CTNNA3: variants seen among roughly 807,000 people sequenced by gnomAD.
CTNNA3 encodes the protein catenin alpha-3.
Under a neutral mutation model 95.7 loss-of-function variants are expected in CTNNA3, and 76 were observed. That is an observed-to-expected ratio of 0.79 (90% CI 0.66 to 0.96). The LOEUF (loss-of-function observed/expected upper bound fraction) is 0.96. Among genes scored for constraint, CTNNA3 ranks in the 40% least tolerant of loss-of-function variants. The pLI is 0.00. For synonymous variants in CTNNA3, 431 were observed against 374.4 expected (o/e 1.15, Z -1.74); for missense variants, 1,191 against 1,089.8 (o/e 1.09, Z -1.31).
intron 13 of CTNNA3, among the ~76,000 whole-genome samples, chr10:66,188,772 T>C (rs2086483945): frequency 6.6e-6 from 1 of 152,102 alleles, no homozygotes; most frequent in African/African-American, 2.4e-5. Flanking sequence ...GGTCATATTG[T>C]AGTTCTATTT....
At chr10:66,740,076 A>G (rs961257512) in intron 9 of CTNNA3, among the ~76,000 whole-genome samples, 1 of 152,236 alleles carries the variant, frequency 6.6e-6, no homozygotes, top group Admixed American at 6.5e-5. Flanking sequence ...ATTGTGGGTC[A>G]CTGTGTTTCT....
chr10:66,493,380 A>G (rs1839987549), intron 11 of CTNNA3, among the ~76,000 whole-genome samples: 1 of 152,158 alleles, frequency 6.6e-6, no homozygotes, highest in Non-Finnish European at 1.5e-5. Context: ...AGGAGCTTTT[A>G]ATAGCTTTCT....
At chr10:67,149,028 G>C (rs1162321283) in intron 7 of CTNNA3, among the ~76,000 whole-genome samples, 3 of 152,098 alleles carry the variant, frequency 2.0e-5, no homozygotes. Flanking sequence ...TGTGACCATT[G>C]TTAACAACAC....
chr10:66,747,457 C>T (rs1838931529), intron 9 of CTNNA3, among the ~76,000 whole-genome samples: 2 of 152,220 alleles, frequency 1.3e-5, no homozygotes, highest in South Asian at 2.1e-4. Flanking sequence ...CACACTCTCA[C>T]TGCATCACTA....
rs909872089 is a variant in CTNNA3, at chr10:66,345,389, T to C, written c.1732+33763A>G. Among the ~76,000 whole-genome samples the C allele has an allele frequency of 7.2e-5, 11 of 152,254 alleles. 1 individual carries two copies. In the East Asian group the frequency reaches 2.1e-3, roughly 29 times the overall value. ...AACATAAAAATGCTCATTTCCATATTGATTTTGATGACCAGCGTTAAATCA... is the reference window on the plus strand; with the variant it reads ...AACATAAAAATGCTCATTTCCATATCGATTTTGATGACCAGCGTTAAATCA... On this transcript the variant is annotated intron_variant, in intron 12 of 17. Coordinates refer to ENST00000433211, the MANE Select transcript of CTNNA3 (RefSeq NM_013266.4).
chr10:66,105,203 G>A (rs1234205939), intron 13 of CTNNA3, among the ~76,000 whole-genome samples: 24 of 152,002 alleles, frequency 1.6e-4, no homozygotes, highest in Admixed American at 1.4e-3. Flanking sequence ...TATTATCTCA[G>A]GACAATTTAT....
intron 3 of CTNNA3, among the ~76,000 whole-genome samples, chr10:67,563,043 T>A (rs1418877844): frequency 2.0e-5 from 3 of 151,958 alleles, no homozygotes; most frequent in Admixed American, 1.3e-4. Context: ...AGAATCAATA[T>A]CATGAAAATG....
chr10:67,575,609 C>G (rs1402227172), intron 3 of CTNNA3, among the ~76,000 whole-genome samples: 1 of 152,132 alleles, frequency 6.6e-6, no homozygotes, highest in Admixed American at 6.6e-5. Flanking sequence ...GTTTTCAGAC[C>G]CACTGCTCAT....
rs559671877 is a variant in CTNNA3, at chr10:67,390,466, T to C, written c.579+131376A>G. Reference sequence around the variant, plus strand: ...ACCAGATGTATTCACAGCCGAATTCTACAAGAGGTACAAGGAGGAACTGGT... The same window carrying C: ...ACCAGATGTATTCACAGCCGAATTCCACAAGAGGTACAAGGAGGAACTGGT... On this transcript the variant is annotated intron_variant, in intron 5 of 17. Transcript: ENST00000433211. Among the ~76,000 whole-genome samples, 27 of 152,240 alleles carry C rather than the reference T, an allele frequency of 1.8e-4. 1 individual carries two copies. In the South Asian group the frequency reaches 4.4e-3, roughly 25 times the overall value.
chr10:66,858,329 T>C (rs952420644), intron 7 of CTNNA3, among the ~76,000 whole-genome samples: 8 of 152,198 alleles, frequency 5.3e-5, no homozygotes, highest in African/African-American at 1.4e-4. Context: ...GATTTTTGCA[T>C]CTATGTTCAT....
chr10:66,567,306 G>A (rs1842742395), intron 10 of CTNNA3, among the ~76,000 whole-genome samples: 1 of 151,996 alleles, frequency 6.6e-6, no homozygotes, highest in South Asian at 2.1e-4. Context: ...GAAACTAAGA[G>A]CTCCAATAGT....
chr10:67,565,939 T>A (rs1841752381), intron 3 of CTNNA3, among the ~76,000 whole-genome samples: 1 of 133,598 alleles, frequency 7.5e-6, no homozygotes, highest in Non-Finnish European at 1.6e-5. Context: ...AGATATGCAA[T>A]CAAACTCAGT....
intron 5 of CTNNA3, among the ~76,000 whole-genome samples, chr10:67,400,978 G>A (rs1012972725): frequency 3.3e-5 from 5 of 152,158 alleles, no homozygotes; most frequent in Non-Finnish European, 7.4e-5. Context: ...ACTAAGTGTT[G>A]TGTATACTTC....
chr10:67,408,717 A>C (rs1023196477), intron 5 of CTNNA3, among the ~76,000 whole-genome samples: 48 of 152,152 alleles, frequency 3.2e-4, no homozygotes, highest in Non-Finnish European at 6.8e-4. Flanking sequence ...AACTGCAACA[A>C]AAGCAAAAAT....
intron 5 of CTNNA3, among the ~76,000 whole-genome samples, chr10:67,446,180 TCTC>T (rs762734787): frequency 2.6e-5 from 4 of 152,038 alleles, no homozygotes; most frequent in Non-Finnish European, 5.9e-5. Flanking sequence ...GCTTTGTACA[TCTC>T]CTCATTTAAC....
intron 13 of CTNNA3, among the ~76,000 whole-genome samples, chr10:66,197,768 A>G (rs1221718926): frequency 6.6e-6 from 1 of 152,128 alleles, no homozygotes; most frequent in Non-Finnish European, 1.5e-5. Context: ...AAGACTAGTA[A>G]AGGCCAGCTG....
chr10:66,424,044 T>C (rs1213688536), intron 11 of CTNNA3, among the ~76,000 whole-genome samples: 1 of 152,162 alleles, frequency 6.6e-6, no homozygotes, highest in African/African-American at 2.4e-5. Flanking sequence ...TATTTAAGAA[T>C]ATTTTATTTC....
chr10:66,936,459 TG>T (rs1458234434), intron 7 of CTNNA3, among the ~76,000 whole-genome samples: 1 of 152,120 alleles, frequency 6.6e-6, no homozygotes, highest in Non-Finnish European at 1.5e-5. Flanking sequence ...GTTTTCCTGG[TG>T]TTTTTTTGTT....
At chr10:66,656,994 C>T (rs901263186) in intron 9 of CTNNA3, among the ~76,000 whole-genome samples, 1 of 152,064 alleles carries the variant, frequency 6.6e-6, no homozygotes, top group African/African-American at 2.4e-5. Flanking sequence ...CACTTTCATG[C>T]AAAGAGCTCA....
Sources: allele counts gnomAD v4.1 joint callset (sites outside exome capture counted in the v4.1 genomes callset), GRCh38; gene constraint gnomAD v4.1.1; transcripts MANE v1.5; gene names NCBI Gene and HGNC (gene_info 2026-07-23, HGNC 2026-07-21).